SLC16A7: variants seen among roughly 807,000 people sequenced by gnomAD.
The protein encoded by SLC16A7 is solute carrier family 16 member 7.
A neutral mutation model predicts 34.9 loss-of-function variants in SLC16A7; 33 were observed. That is an observed-to-expected ratio of 0.94 (90% CI 0.72 to 1.26). The LOEUF (loss-of-function observed/expected upper bound fraction) is 1.26, where lower values mean the gene tolerates loss of function less well. Ranked by LOEUF, SLC16A7 falls within the 50% of genes most tolerant of loss-of-function variation. The pLI, the probability that SLC16A7 is intolerant of heterozygous loss-of-function variation, is 0.00. For missense variants in SLC16A7, 573 were observed against 578.1 expected (o/e 0.99, Z 0.09); for synonymous variants, 201 against 206.6 (o/e 0.97, Z 0.23).
intron 3 of SLC16A7, among the ~76,000 whole-genome samples, chr12:59,730,360 A>C (rs1363824113): frequency 6.6e-6 from 1 of 151,644 alleles, no homozygotes; most frequent in Non-Finnish European, 1.5e-5. Flanking sequence ...AAAAAAAAAA[A>C]AACAGACAAC....
intron 3 of SLC16A7, among the ~76,000 whole-genome samples, chr12:59,737,733 C>G (rs190918216): frequency 3.9e-5 from 6 of 152,250 alleles, no homozygotes; most frequent in African/African-American, 1.4e-4. Context: ...ACACAATTTT[C>G]CCTAGCTCTG....
intron 1 of SLC16A7, among the ~76,000 whole-genome samples, chr12:59,606,881 T>G (rs1218007721): frequency 6.6e-6 from 1 of 152,092 alleles, no homozygotes; most frequent in Non-Finnish European, 1.5e-5. Flanking sequence ...TGATTATATA[T>G]ATACACACAC....
intron 3 of SLC16A7, among the ~76,000 whole-genome samples, chr12:59,751,417 G>A (rs149422654): frequency 0.02 from 3,077 of 152,312 alleles, 137 homozygotes; most frequent in East Asian, 0.18. Flanking sequence ...GCGCTTTTCC[G>A]ATGAGCTTAA....
At chr12:59,756,191 T>A (rs528654853) in intron 3 of SLC16A7, among the ~76,000 whole-genome samples, 1 of 151,716 alleles carries the variant, frequency 6.6e-6, no homozygotes, top group Non-Finnish European at 1.5e-5. Flanking sequence ...CAGGACATAG[T>A]CATGGGCAAG....
At chr12:59,666,789 C>T (rs984397121) in intron 2 of SLC16A7, among the ~76,000 whole-genome samples, 1 of 152,136 alleles carries the variant, frequency 6.6e-6, no homozygotes, top group Admixed American at 6.6e-5. Flanking sequence ...TCATTAGCAG[C>T]ATAAGAACAG....
At chr12:59,758,888 G>A (rs12831305) in intron 3 of SLC16A7, among the ~76,000 whole-genome samples, 11,813 of 152,040 alleles carry the variant, frequency 0.078, 549 homozygotes, top group Middle Eastern at 0.17. Flanking sequence ...TTTAATGCGT[G>A]TATGTATTGT....
chr12:59,656,103 G>T (rs1868520149), intron 2 of SLC16A7, among the ~76,000 whole-genome samples: 1 of 151,910 alleles, frequency 6.6e-6, no homozygotes, highest in Admixed American at 6.6e-5. Flanking sequence ...TGTTTGTTGT[G>T]AACAATTCCT....
At chr12:59,732,935 C>A (rs1265223939) in intron 3 of SLC16A7, among the ~76,000 whole-genome samples, 1 of 152,136 alleles carries the variant, frequency 6.6e-6, no homozygotes, top group Non-Finnish European at 1.5e-5. Flanking sequence ...AATTCATTCT[C>A]ATTGATATGT....
intron 2 of SLC16A7, among the ~76,000 whole-genome samples, chr12:59,661,042 T>A (rs999138065): frequency 1.3e-5 from 2 of 152,144 alleles, no homozygotes; most frequent in African/African-American, 4.8e-5. Flanking sequence ...CCGATCATAT[T>A]ACATTTTATA....
At chr12:59,616,573 G>A (rs750454063) in intron 1 of SLC16A7, among the ~76,000 whole-genome samples, 2 of 152,058 alleles carry the variant, frequency 1.3e-5, no homozygotes, top group Non-Finnish European at 2.9e-5. Context: ...CTTCAGTTGT[G>A]CAAAAATAGG....
chr12:59,723,261 T>C (rs1875825870), intron 3 of SLC16A7, among the ~76,000 whole-genome samples: 1 of 151,902 alleles, frequency 6.6e-6, no homozygotes, highest in African/African-American at 2.4e-5. Flanking sequence ...CTCAATAATG[T>C]GGTGATTTTT....
rs372423072 is a variant in SLC16A7, at chr12:59,779,409, T to C, written c.1181-14T>C. 3.2e-6 allele frequency: 5 copies of C among 1,558,560 alleles called. No individual in the cohort carries two copies. Among genetic ancestry groups the C allele is most frequent in the Non-Finnish European group, 4.4e-6 (5 of 1,147,756 alleles). On this transcript the variant is annotated splice_polypyrimidine_tract_variant and intron_variant, in intron 5 of 5. Coordinates refer to ENST00000547379, the MANE Select transcript of SLC16A7 (RefSeq NM_001270623.2). ...TTTATTATGCCAACTTAAAAGATGT[T>C]CTTTGTCTTCTAGGTAAATTGGTGG...
At chr12:59,752,469 A>G (rs1879702020) in intron 3 of SLC16A7, among the ~76,000 whole-genome samples, 1 of 152,266 alleles carries the variant, frequency 6.6e-6, no homozygotes, top group African/African-American at 2.4e-5. Flanking sequence ...CAGAAACCTC[A>G]GGAGCGGATG....
At chr12:59,636,036 G>A (rs1020477986) in intron 1 of SLC16A7, among the ~76,000 whole-genome samples, 2 of 147,040 alleles carry the variant, frequency 1.4e-5, no homozygotes, top group African/African-American at 5.0e-5. Context: ...AGGGTATGCT[G>A]AATGTGAATT....
chr12:59,606,826 G>A (rs1223537677), intron 1 of SLC16A7, among the ~76,000 whole-genome samples: 4 of 151,942 alleles, frequency 2.6e-5, no homozygotes, highest in Admixed American at 2.6e-4. Context: ...TATTGTGTGT[G>A]TGTGTACGTG....
At chr12:59,653,540 A>T (rs2137021069) in intron 1 of SLC16A7, among the ~76,000 whole-genome samples, 1 of 151,748 alleles carries the variant, frequency 6.6e-6, no homozygotes, top group Non-Finnish European at 1.5e-5. Flanking sequence ...TATAAATTTT[A>T]GTTATTGTGG....
intron 3 of SLC16A7, among the ~76,000 whole-genome samples, chr12:59,750,605 G>T (rs1169493231): frequency 6.6e-6 from 1 of 152,218 alleles, no homozygotes; most frequent in South Asian, 2.1e-4. Context: ...CTTTTACACT[G>T]TTGGTGGAAG....
chr12:59,701,261 T>A (rs1040405302), intron 2 of SLC16A7, among the ~76,000 whole-genome samples: 30 of 151,846 alleles, frequency 2.0e-4, no homozygotes, highest in Non-Finnish European at 3.4e-4. Context: ...ATATAGTTAT[T>A]AACCTGTTTT....
chr12:59,635,080 CT>C (rs1272856843), intron 1 of SLC16A7, among the ~76,000 whole-genome samples: 3 of 151,996 alleles, frequency 2.0e-5, no homozygotes, highest in Admixed American at 2.0e-4. Context: ...AGAATATTCT[CT>C]CCCCATTATT....
Sources: gnomAD v4.1 joint callset for allele counts (sites outside exome capture counted in the v4.1 genomes callset) on GRCh38, gnomAD v4.1.1 for gene constraint, MANE v1.5 for transcripts, NCBI Gene and HGNC (gene_info 2026-07-23, HGNC 2026-07-21) for gene names.